The following AGTPBP1 variants were observed in gnomAD, a reference collection of about 807,000 sequenced individuals.
The protein encoded by AGTPBP1 is cytosolic carboxypeptidase 1.
In AGTPBP1, 70 loss-of-function variants were observed where a neutral mutation model predicts 143.9. The observed-to-expected ratio is 0.49, with a 90% CI of 0.40 to 0.59. The LOEUF (loss-of-function observed/expected upper bound fraction) is 0.59. AGTPBP1 is among the 20% of genes least tolerant of loss of function. The pLI, the probability that AGTPBP1 is intolerant of heterozygous loss-of-function variation, is 0.00. For missense variants in AGTPBP1, 1,229 were observed against 1,464.5 expected (o/e 0.84, Z 2.62); for synonymous variants, 463 against 500.2 (o/e 0.93, Z 0.99).
chr9:85,628,679 C>T (rs143074895), intron 14 of AGTPBP1, among the ~76,000 whole-genome samples: 89 of 152,248 alleles, frequency 5.8e-4, no homozygotes, highest in South Asian at 1.0e-3. Flanking sequence ...GGAGCAAATA[C>T]AGGTAACAAC....
At chr9:85,589,384 G>T (rs1487447445) in intron 20 of AGTPBP1, 144 bp downstream of exon 20, 1 of 1,048,006 alleles carries the variant, frequency 9.5e-7, no homozygotes, top group Non-Finnish European at 1.3e-6. Context: ...TGGGCTCATG[G>T]CTAGCTAGAT....
chr9:85,681,358 T>C, intron 3 of AGTPBP1, 23 bp from the exon 4 acceptor site: 2 of 1,603,498 alleles, frequency 1.2e-6, no homozygotes, highest in South Asian at 1.1e-5. Flanking sequence ...AAACAATTTT[T>C]TTCTCAAACA....
chr9:85,658,172 TATAA>T (rs1833645788), intron 9 of AGTPBP1, among the ~76,000 whole-genome samples: 1 of 152,146 alleles, frequency 6.6e-6, no homozygotes, highest in Non-Finnish European at 1.5e-5. Context: ...TCCACAATTA[TATAA>T]ATATTCATAC....
At chr9:85,777,247 C>T in the AGTPBP1 span, among the ~76,000 whole-genome samples, 2 of 152,170 alleles carry the variant, frequency 1.3e-5, no homozygotes, top group Non-Finnish European at 2.9e-5. Flanking sequence ...AGAAGCATTG[C>T]GTGCAGGATA....
chr9:85,686,037 G>A (rs1229356283), intron 3 of AGTPBP1, among the ~76,000 whole-genome samples: 1 of 151,930 alleles, frequency 6.6e-6, no homozygotes, highest in East Asian at 1.9e-4. Flanking sequence ...AATAGGGTAG[G>A]ACAGGAAGAA....
chr9:85,735,639 A>C (rs2134789152), intron 1 of AGTPBP1, among the ~76,000 whole-genome samples: 1 of 152,342 alleles, frequency 6.6e-6, no homozygotes, highest in East Asian at 1.9e-4. Context: ...TTTCAAATAT[A>C]AATAAAAGTT....
At chr9:85,716,648 T>A (rs1202566830) in intron 1 of AGTPBP1, among the ~76,000 whole-genome samples, 1 of 152,172 alleles carries the variant, frequency 6.6e-6, no homozygotes, top group African/African-American at 2.4e-5. Flanking sequence ...CTTTACCACA[T>A]CTACCACGGT....
At chr9:85,721,780 A>G (rs1838140771) in intron 1 of AGTPBP1, among the ~76,000 whole-genome samples, 1 of 152,092 alleles carries the variant, frequency 6.6e-6, no homozygotes, top group Admixed American at 6.6e-5. Flanking sequence ...GGTCTTTACA[A>G]TTTGGCATGT....
At chr9:85,590,885 C>T (rs543635626) in intron 19 of AGTPBP1, among the ~76,000 whole-genome samples, 1 of 152,204 alleles carries the variant, frequency 6.6e-6, no homozygotes, top group East Asian at 1.9e-4. Context: ...AATGAAGGGC[C>T]TGGTAGACAG....
chr9:85,649,861 T>C (rs1833040655), intron 11 of AGTPBP1, among the ~76,000 whole-genome samples: 1 of 152,134 alleles, frequency 6.6e-6, no homozygotes, highest in Non-Finnish European at 1.5e-5. Flanking sequence ...ATAAACTTAC[T>C]TTCTTAAAAA....
chr9:85,708,698 C>T (rs773832361), intron 2 of AGTPBP1, among the ~76,000 whole-genome samples: 5 of 151,958 alleles, frequency 3.3e-5, no homozygotes, highest in South Asian at 2.1e-4. Flanking sequence ...CCACCACGCC[C>T]GTAGTTTTTA....
chr9:85,688,749 T>C (rs1835655893), intron 3 of AGTPBP1, among the ~76,000 whole-genome samples: 1 of 152,246 alleles, frequency 6.6e-6, no homozygotes, highest in Non-Finnish European at 1.5e-5. Flanking sequence ...TGGAAATTTA[T>C]AAGTTTATTG....
chr9:85,609,347 A>G (rs546515906), intron 17 of AGTPBP1, among the ~76,000 whole-genome samples: 2 of 149,074 alleles, frequency 1.3e-5, no homozygotes, highest in South Asian at 2.1e-4. Context: ...CTGGAGTGCA[A>G]TGGCATGATC....
At chr9:85,623,146 C>T (rs572139067) in intron 14 of AGTPBP1, among the ~76,000 whole-genome samples, 8 of 152,242 alleles carry the variant, frequency 5.3e-5, no homozygotes, top group African/African-American at 1.7e-4. Context: ...GAGGACACAG[C>T]TTCTGTCTAA....
At chr9:85,751,858 C>T in the AGTPBP1 span, among the ~76,000 whole-genome samples, 2 of 151,392 alleles carry the variant, frequency 1.3e-5, no homozygotes, top group Admixed American at 6.6e-5. Context: ...CAGCCTGCCT[C>T]GGCCTCCCAA....
At chr9:85,734,753 G>C (rs1008192945) in intron 1 of AGTPBP1, among the ~76,000 whole-genome samples, 1 of 152,106 alleles carries the variant, frequency 6.6e-6, no homozygotes, top group Non-Finnish European at 1.5e-5. Context: ...TTCCACTTCC[G>C]GGTATATACT....
At chr9:85,590,082 G>A (rs1488428181) in intron 19 of AGTPBP1, among the ~76,000 whole-genome samples, 2 of 151,948 alleles carry the variant, frequency 1.3e-5, no homozygotes, top group Admixed American at 1.3e-4. Context: ...TAATAGACCT[G>A]TAACAGCAAC....
chr9:85,776,501 C>A, the AGTPBP1 span, among the ~76,000 whole-genome samples: 6 of 152,164 alleles, frequency 3.9e-5, no homozygotes, highest in Non-Finnish European at 8.8e-5. Context: ...GTTGTAGTTT[C>A]CAATTGACCT....
At chr9:85,774,266 T>G in the AGTPBP1 span, among the ~76,000 whole-genome samples, 1 of 152,204 alleles carries the variant, frequency 6.6e-6, no homozygotes, top group African/African-American at 2.4e-5. Flanking sequence ...AGTATGCACA[T>G]AAGAACTGCT....
Sources: allele counts gnomAD v4.1 joint callset (sites outside exome capture counted in the v4.1 genomes callset), GRCh38; gene constraint gnomAD v4.1.1; transcripts MANE v1.5; gene names NCBI Gene and HGNC (gene_info 2026-07-23, HGNC 2026-07-21).